NRXN1: variants seen among roughly 807,000 people sequenced by gnomAD.
NRXN1 encodes neurexin 1, also known as neurexin-1.
NRXN1 carries 39 observed loss-of-function variants against 150.9 expected under a neutral mutation model. The ratio of observed to expected loss-of-function variants is 0.26; its 90% CI spans 0.20 to 0.34. NRXN1 has a LOEUF of 0.34. Ranked by LOEUF, NRXN1 falls within the 10% of genes least tolerant of loss-of-function variation. NRXN1 has a pLI of 1.00. For synonymous variants in NRXN1, 924 were observed against 757.0 expected (o/e 1.22, Z -3.62); for missense variants, 1,815 against 1,949.9 (o/e 0.93, Z 1.30).
At chr2:50,682,198 T>C (rs996652321) in intron 5 of NRXN1, among the ~76,000 whole-genome samples, 11 of 152,188 alleles carry the variant, frequency 7.2e-5, no homozygotes, top group African/African-American at 2.7e-4. Context: ...CCTTGCAAAC[T>C]GGGTGAGACT....
chr2:51,006,649 A>G (rs1458463260), intron 2 of NRXN1, among the ~76,000 whole-genome samples: 1 of 151,922 alleles, frequency 6.6e-6, no homozygotes. Context: ...TCAAAAGGTA[A>G]GCTCCTTGCC....
intron 2 of NRXN1, among the ~76,000 whole-genome samples, chr2:50,935,890 A>AT (rs1300468513): frequency 6.6e-6 from 1 of 152,150 alleles, no homozygotes; most frequent in Non-Finnish European, 1.5e-5. Flanking sequence ...CTATTTTAGT[A>AT]TTTAAAGTAT....
intron 15 of NRXN1, among the ~76,000 whole-genome samples, chr2:50,473,246 T>A (rs947349934): frequency 1.3e-5 from 2 of 151,926 alleles, no homozygotes; most frequent in Non-Finnish European, 2.9e-5. Context: ...CGTTAACAAA[T>A]TTTCAACTTA....
intron 12 of NRXN1, among the ~76,000 whole-genome samples, chr2:50,514,297 T>C (rs2092561469): frequency 6.6e-6 from 1 of 152,220 alleles, no homozygotes; most frequent in African/African-American, 2.4e-5. Flanking sequence ...TATTTAGACC[T>C]ACAGCACCTG....
At chr2:49,973,480 T>C (rs1202467201) in intron 21 of NRXN1, among the ~76,000 whole-genome samples, 2 of 152,170 alleles carry the variant, frequency 1.3e-5, no homozygotes, top group Non-Finnish European at 2.9e-5. Context: ...AAAGCATGCA[T>C]GGTCAGAATC....
chr2:50,532,008 G>A (rs549985916), intron 10 of NRXN1, among the ~76,000 whole-genome samples: 2 of 152,106 alleles, frequency 1.3e-5, no homozygotes, highest in Admixed American at 1.3e-4. Context: ...ACCATGCCAG[G>A]CTAGCTTATT....
intron 8 of NRXN1, among the ~76,000 whole-genome samples, chr2:50,592,044 A>T (rs1257962668): frequency 2.0e-5 from 3 of 152,202 alleles, no homozygotes; most frequent in African/African-American, 7.2e-5. Context: ...AGGAGATAAG[A>T]ATAACCTCTA....
At chr2:50,767,138 A>G (rs1702473189) in intron 5 of NRXN1, among the ~76,000 whole-genome samples, 1 of 152,076 alleles carries the variant, frequency 6.6e-6, no homozygotes, top group Non-Finnish European at 1.5e-5. Flanking sequence ...GTCAAATTTG[A>G]GAGACAGCTC....
At chr2:50,216,220 C>G (rs2063388661) in intron 18 of NRXN1, among the ~76,000 whole-genome samples, 2 of 151,666 alleles carry the variant, frequency 1.3e-5, no homozygotes, top group African/African-American at 2.4e-5. Context: ...AACTCCATCT[C>G]AAAAATAAAT....
In NRXN1 at chr2:49,943,934, T is replaced by C. The variant is rs138277951; in HGVS notation, c.4129-143A>G. 1.2e-3 allele frequency: 830 copies of C among 703,168 alleles called. 11 individuals are homozygous for C. The East Asian group carries it at 0.02, about 17-fold the overall frequency. The allele number at this position is 703,168 out of a possible 1,614,324, so 43.6% of individuals were successfully genotyped here. On this transcript the variant is annotated intron_variant, in intron 21 of 22. Transcript: ENST00000401669. ...CCTTTCTAAAGACACAGAGCTTACA[T>C]TTTAGATCCTTCATAGAAGTAACTG...
chr2:50,888,163 G>A (rs1680540037), intron 5 of NRXN1, among the ~76,000 whole-genome samples: 1 of 151,386 alleles, frequency 6.6e-6, no homozygotes. Context: ...GAAGTATAGA[G>A]CTTCAAGAAA....
chr2:50,229,275 T>C (rs894983927), intron 18 of NRXN1, among the ~76,000 whole-genome samples: 1 of 151,958 alleles, frequency 6.6e-6, no homozygotes, highest in Non-Finnish European at 1.5e-5. Context: ...GCTGTTTCTA[T>C]TTTGTAACCG....
rs539554401 is a variant in NRXN1, at chr2:50,876,137, A to G, written c.832+45732T>C. Reference sequence around the variant, plus strand: ...ATTAAGACGGGCAGGCATGATCCCAAGTAAAGATCTCAAAATTCAAACTGT... The same window carrying G: ...ATTAAGACGGGCAGGCATGATCCCAGGTAAAGATCTCAAAATTCAAACTGT... On this transcript the variant is annotated intron_variant, in intron 5 of 22. Transcript: ENST00000401669. Among the ~76,000 whole-genome samples the G allele has an allele frequency of 4.6e-5, 7 of 152,022 alleles. No individual in the cohort carries two copies. The East Asian group carries it at 1.4e-3, about 30-fold the overall frequency.
chr2:50,704,857 A>G (rs1390351989), intron 5 of NRXN1, among the ~76,000 whole-genome samples: 1 of 151,998 alleles, frequency 6.6e-6, no homozygotes, highest in Non-Finnish European at 1.5e-5. Flanking sequence ...TACAATTTAC[A>G]ATAGTTTCTA....
intron 19 of NRXN1, among the ~76,000 whole-genome samples, chr2:50,077,463 CA>C (rs1187298177): frequency 6.6e-6 from 1 of 152,086 alleles, no homozygotes; most frequent in Non-Finnish European, 1.5e-5. Context: ...TTTACTAAAG[CA>C]AATCTTTTCA....
chr2:50,996,450 T>C (rs1025072194), intron 2 of NRXN1, among the ~76,000 whole-genome samples: 3 of 152,120 alleles, frequency 2.0e-5, no homozygotes, highest in African/African-American at 7.2e-5. Context: ...TTTACATGTA[T>C]GTATGTATTT....
chr2:50,647,357 T>G (rs1684973019), intron 5 of NRXN1, among the ~76,000 whole-genome samples: 1 of 151,754 alleles, frequency 6.6e-6, no homozygotes, highest in Non-Finnish European at 1.5e-5. Flanking sequence ...CCCTTAACCT[T>G]CCAACACTAA....
chr2:50,107,275 G>T (rs1701780977), intron 18 of NRXN1, among the ~76,000 whole-genome samples: 2 of 118,200 alleles, frequency 1.7e-5, no homozygotes, highest in South Asian at 5.5e-4. Flanking sequence ...AAAAAAAAAA[G>T]ACCCTTTTCA....
chr2:50,514,625 T>C (rs2092571403), intron 12 of NRXN1, among the ~76,000 whole-genome samples: 1 of 152,206 alleles, frequency 6.6e-6, no homozygotes, highest in African/African-American at 2.4e-5. Flanking sequence ...ATTGCAACTC[T>C]TCAACTTTAC....
Sources: gnomAD v4.1 joint callset for allele counts (sites outside exome capture counted in the v4.1 genomes callset) on GRCh38, gnomAD v4.1.1 for gene constraint, MANE v1.5 for transcripts, NCBI Gene and HGNC (gene_info 2026-07-23, HGNC 2026-07-21) for gene names.